PRPF19: variants seen among roughly 807,000 people sequenced by gnomAD.
The protein encoded by PRPF19 is pre-mRNA-processing factor 19.
PRPF19 carries 2 observed loss-of-function variants against 64.2 expected under a neutral mutation model. That is an observed-to-expected ratio of 0.03 (90% CI 0.01 to 0.10). The LOEUF is 0.10. PRPF19 is among the 10% of genes least tolerant of loss of function. The probability of loss-of-function intolerance (pLI) is 1.00; values close to 1 mark genes in which losing one functional copy is unlikely to be tolerated. For missense variants in PRPF19, 314 were observed against 650.0 expected, an observed-to-expected ratio of 0.48 and a Z score of 5.62; for synonymous variants, 226 against 251.6, an observed-to-expected ratio of 0.90 and a Z score of 0.96.
intron 10 of PRPF19, among the ~76,000 whole-genome samples, chr11:60,899,587 C>T (rs1015224093): frequency 3.9e-5 from 6 of 152,148 alleles, no homozygotes; most frequent in African/African-American, 1.4e-4. Flanking sequence ...ATTTCCAGGA[C>T]CAAAGGAAAA....
At chr11:60,899,926 AAGC>A (rs1163815401) in intron 10 of PRPF19, among the ~76,000 whole-genome samples, 1 of 152,194 alleles carries the variant, frequency 6.6e-6, no homozygotes, top group Admixed American at 6.5e-5. Context: ...AATACCCCAT[AAGC>A]AAGAAAACAG....
chr11:60,905,276 A>G (rs1856032736), intron 1 of PRPF19: 1 of 152,212 alleles, frequency 6.6e-6, no homozygotes, highest in South Asian at 2.1e-4. Flanking sequence ...CATCTAACAA[A>G]TGAGTGAACC....
intron 9 of PRPF19, 81 bp downstream of exon 9, chr11:60,900,773 C>G: frequency 6.3e-7 from 1 of 1,590,250 alleles, no homozygotes; most frequent in Non-Finnish European, 8.6e-7. Context: ...TGTTCCCATG[C>G]CCATGAAGAG....
rs559376985 is a variant in PRPF19 at position 60,892,256 on chromosome 11, T to C, written c.1418-993A>G. Among the ~76,000 whole-genome samples the C allele has an allele frequency of 1.7e-4, 26 of 152,368 alleles. No homozygotes were observed. In the South Asian group the frequency reaches 5.2e-3, roughly 30 times the overall value. ...TCATGCTTTTCTTCTCTAGCACTTATAATTGCAATTAAATGTGTACATGTG... is the reference window on the plus strand; with the variant it reads ...TCATGCTTTTCTTCTCTAGCACTTACAATTGCAATTAAATGTGTACATGTG... On this transcript the variant is annotated intron_variant, in intron 15 of 15. Coordinates refer to ENST00000227524, the MANE Select transcript of PRPF19 (RefSeq NM_014502.5).
At chr11:60,892,932 C>T (rs1218352981) in intron 15 of PRPF19, among the ~76,000 whole-genome samples, 1 of 151,782 alleles carries the variant, frequency 6.6e-6, no homozygotes, top group Non-Finnish European at 1.5e-5. Flanking sequence ...CCTCCCCATC[C>T]CCCCACATAA....
chr11:60,901,636 A>C, intron 6 of PRPF19, 96 bp from the exon 7 acceptor site: 4 of 1,417,660 alleles, frequency 2.8e-6, no homozygotes, highest in Non-Finnish European at 3.9e-6. Context: ...AGCAGCACCA[A>C]GAACTTGCTA....
intron 15 of PRPF19, among the ~76,000 whole-genome samples, chr11:60,896,869 G>A (rs1327738623): frequency 6.6e-6 from 1 of 152,116 alleles, no homozygotes; most frequent in Non-Finnish European, 1.5e-5. Context: ...GAACAAGGAT[G>A]TAAAGAGAGA....
At chr11:60,893,171 CA>C (rs1200572626) in intron 15 of PRPF19, among the ~76,000 whole-genome samples, 1 of 152,156 alleles carries the variant, frequency 6.6e-6, no homozygotes, top group Non-Finnish European at 1.5e-5. Context: ...CAGGTATAAA[CA>C]AATCTACTAC....
rs1855857108 is a variant in PRPF19, at chr11:60,891,383, C to T, written c.1418-120G>A. On this transcript the variant is annotated intron_variant, in intron 15 of 15. Transcript: ENST00000227524. The stretch of plus-strand genomic sequence containing the variant: ...TCTCTAATTAGTATTTATCACACCG[C>T]AGGCTCCTGTTTGTTTTCCCTAGGC... The T allele has an allele frequency of 2.3e-5, 17 of 750,560 alleles. No individual in the cohort carries two copies. In the South Asian group the frequency reaches 2.7e-4, roughly 12 times the overall value. The allele number at this position is 750,560 out of a possible 1,614,324, so 46.5% of individuals were successfully genotyped here.
At chr11:60,893,007 T>C (rs1322629206) in intron 15 of PRPF19, among the ~76,000 whole-genome samples, 3 of 151,470 alleles carry the variant, frequency 2.0e-5, no homozygotes, top group Admixed American at 6.6e-5. Flanking sequence ...CAGGATGCCA[T>C]AGAGTCATGT....
chr11:60,900,397 T>G (rs1188249292), intron 10 of PRPF19, among the ~76,000 whole-genome samples, 185 bp downstream of exon 10: 1 of 152,218 alleles, frequency 6.6e-6, no homozygotes, highest in African/African-American at 2.4e-5. Context: ...AGATCACTGC[T>G]TTAGAAGGTC....
chr11:60,899,625 A>G (rs1307502472), intron 10 of PRPF19, among the ~76,000 whole-genome samples: 1 of 152,198 alleles, frequency 6.6e-6, no homozygotes, highest in Non-Finnish European at 1.5e-5. Context: ...GAGGGACTGA[A>G]TTTTTTATTC....
At chr11:60,899,028 T>C in intron 11 of PRPF19, 97 bp from the exon 12 acceptor site, 4 of 1,509,050 alleles carry the variant, frequency 2.7e-6, no homozygotes, top group Non-Finnish European at 3.6e-6. Flanking sequence ...TGGCAAACCC[T>C]GGCAAACATT....
In PRPF19 at chr11:60,898,271, C is replaced by T; in HGVS notation, c.1141G>A (p.Glu381Lys). 6.2e-7 allele frequency: 1 copy of T among 1,612,960 alleles called. No individual in the cohort carries two copies. Among genetic ancestry groups the T allele is most frequent in the Non-Finnish European group, 8.5e-7 (1 of 1,179,856 alleles). Reference sequence around the variant, plus strand: ...GGGAAGTTGGCCACATTAGTACGTTCCTACAGTGGCGGTGGGTAGTAAAAT... The same window carrying T: ...GGGAAGTTGGCCACATTAGTACGTTTCTACAGTGGCGGTGGGTAGTAAAAT... ...DSQIKIWDLKERTNVANFPGH... is the reference protein window; with the variant it reads ...DSQIKIWDLKKRTNVANFPGH... Residue 381 changes from glutamate (E) to lysine (K), a missense_variant and splice_region_variant, in exon 14 of 16, where the codon GAA (glutamate) becomes AAA (lysine). This residue lies in a region of PRPF19 where 175 missense variants were observed against 342.9 expected (regional missense o/e 0.51). Transcript: ENST00000227524. This position sits in a 1 kb window ranked among gnomAD's most constrained non-coding sequence, Gnocchi z 4.6.
At chr11:60,903,280 A>G (rs1856005290) in intron 3 of PRPF19, among the ~76,000 whole-genome samples, 179 bp downstream of exon 3, 1 of 152,156 alleles carries the variant, frequency 6.6e-6, no homozygotes, top group African/African-American at 2.4e-5. Flanking sequence ...ACTCTAGAGC[A>G]CCTACTATGT....
chr11:60,896,224 T>C (rs971455494), intron 15 of PRPF19, among the ~76,000 whole-genome samples: 5 of 151,980 alleles, frequency 3.3e-5, no homozygotes, highest in Non-Finnish European at 5.9e-5. Flanking sequence ...TTCCCACTTA[T>C]AAAAAAAAGT....
chr11:60,898,468 C>T lies in PRPF19; in HGVS notation c.1140+73G>A, dbSNP rs904328329. 6.2e-7 allele frequency: 1 copy of T among 1,607,986 alleles called. No homozygotes were observed. The highest frequency in any genetic ancestry group is 1.1e-5 in the South Asian group (1 of 89,882). On this transcript the variant is annotated intron_variant, in intron 13 of 15. Coordinates refer to ENST00000227524, the MANE Select transcript of PRPF19 (RefSeq NM_014502.5). This position sits in a 1 kb window ranked among gnomAD's most constrained non-coding sequence, Gnocchi z 4.6. ...CCTTCAGGGCCAGGTGCCACAAGCA[C>T]CTAATTAGCACTGCATTGTCACAAA...
chr11:60,903,674 A>G (rs1856010385), intron 2 of PRPF19, 38 bp downstream of exon 2: 1 of 1,578,972 alleles, frequency 6.3e-7, no homozygotes, highest in Non-Finnish European at 8.6e-7. Context: ...TCAGGCTCTG[A>G]GCTAAGATGG....
chr11:60,901,111 G>C (rs952821755), intron 8 of PRPF19, among the ~76,000 whole-genome samples, 182 bp from the exon 9 acceptor site: 1 of 152,106 alleles, frequency 6.6e-6, no homozygotes, highest in African/African-American at 2.4e-5. Context: ...TGCATCACTA[G>C]GAAACCCACA....
Sources: gnomAD v4.1 joint callset for allele counts (sites outside exome capture counted in the v4.1 genomes callset) on GRCh38, gnomAD v4.1.1 for gene constraint, gnomAD v4.1.1 regional missense constraint, Gnocchi (gnomAD v3.1) non-coding constraint, MANE v1.5 for transcripts, NCBI Gene and HGNC (gene_info 2026-07-23, HGNC 2026-07-21) for gene names.